CAMTA1: variants seen among roughly 807,000 people sequenced by gnomAD.
CAMTA1 encodes calmodulin-binding transcription activator 1.
In CAMTA1, 27 loss-of-function variants were observed where a neutral mutation model predicts 170.9. The observed-to-expected ratio is 0.16, with a 90% CI of 0.12 to 0.22. The LOEUF is 0.22. Among genes scored for constraint, CAMTA1 ranks in the 10% least tolerant of loss-of-function variants. The pLI, the probability that CAMTA1 is intolerant of heterozygous loss-of-function variation, is 1.00. For missense variants in CAMTA1, 1,619 were observed against 2,217.2 expected (o/e 0.73, Z 5.42); for synonymous variants, 833 against 891.5 (o/e 0.93, Z 1.17).
intron 6 of CAMTA1, among the ~76,000 whole-genome samples, chr1:7,520,434 G>A (rs1167067299): frequency 2.7e-5 from 4 of 150,390 alleles, no homozygotes; most frequent in Non-Finnish European, 3.0e-5. Context: ...GTCTTGGCAG[G>A]GAGGTGGGGC....
At chr1:7,302,501 A>G (rs1381475421) in intron 5 of CAMTA1, among the ~76,000 whole-genome samples, 1 of 152,244 alleles carries the variant, frequency 6.6e-6, no homozygotes, top group Non-Finnish European at 1.5e-5. Flanking sequence ...TCATTAACCA[A>G]CCACTAGTTG....
At chr1:7,029,350 A>G (rs1335328817) in intron 3 of CAMTA1, among the ~76,000 whole-genome samples, 1 of 151,956 alleles carries the variant, frequency 6.6e-6, no homozygotes, top group Non-Finnish European at 1.5e-5. Context: ...ATATACAAAA[A>G]AATTAGCTGG....
intron 1 of CAMTA1, among the ~76,000 whole-genome samples, chr1:6,790,431 T>C (rs1468637365): frequency 6.6e-6 from 1 of 151,604 alleles, no homozygotes; most frequent in Non-Finnish European, 1.5e-5. Flanking sequence ...AAGTCAGCCT[T>C]CTTAATCTGA....
At chr1:7,486,601 G>A (rs80042390) in intron 6 of CAMTA1, among the ~76,000 whole-genome samples, 1,682 of 152,322 alleles carry the variant, frequency 0.011, 37 homozygotes, top group African/African-American at 0.039. Flanking sequence ...CTGACTTCCA[G>A]GGTGGTCTCT....
chr1:7,185,302 A>T (rs1240481411), intron 4 of CAMTA1, among the ~76,000 whole-genome samples: 1 of 152,170 alleles, frequency 6.6e-6, no homozygotes, highest in East Asian at 1.9e-4. Context: ...CTTCTCCACT[A>T]AAAGGTAGCA....
chr1:6,801,572 G>A (rs1396097054), intron 1 of CAMTA1, among the ~76,000 whole-genome samples: 1 of 152,074 alleles, frequency 6.6e-6, no homozygotes, highest in African/African-American at 2.4e-5. Flanking sequence ...ATAAGCTATG[G>A]CTAATGGTGA....
In CAMTA1 at chr1:7,736,566, G is replaced by T; in HGVS notation, c.3263+26G>T. 6.2e-7 allele frequency: 1 copy of T among 1,607,392 alleles called. No homozygotes were observed. Among genetic ancestry groups the T allele is most frequent in the Non-Finnish European group, 8.5e-7 (1 of 1,174,156 alleles). On this transcript the variant is annotated intron_variant, in intron 13 of 22. Transcript: ENST00000303635. This position sits in a 1 kb window ranked among gnomAD's most constrained non-coding sequence, Gnocchi z 4.5. ...GTAAGGCTGTGGTGCAGCTGGCTGG[G>T]GGTCAGCCTCGCACATCCTCGCTCA...
At chr1:6,856,877 G>A (rs1662612641) in intron 3 of CAMTA1, among the ~76,000 whole-genome samples, 1 of 152,112 alleles carries the variant, frequency 6.6e-6, no homozygotes, top group African/African-American at 2.4e-5. Flanking sequence ...CAGACTTCAT[G>A]ATGGGAAGAG....
At chr1:7,379,760 A>T (rs1051641998) in intron 5 of CAMTA1, among the ~76,000 whole-genome samples, 5 of 152,102 alleles carry the variant, frequency 3.3e-5, no homozygotes, top group African/African-American at 9.7e-5. Context: ...TGTTTCTGAC[A>T]CCTCGCTTTG....
At chr1:6,966,332 G>A (rs538712618) in intron 3 of CAMTA1, among the ~76,000 whole-genome samples, 17 of 152,058 alleles carry the variant, frequency 1.1e-4, no homozygotes, top group Middle Eastern at 3.4e-3. Context: ...CTTCTTAGCC[G>A]TCACCCCAAC....
Position 7,045,000 on chromosome 1 carries a change from C to T in CAMTA1, c.235-46304C>T, listed in dbSNP as rs1042547815. ...CATAAACCCAGTGAATAAATCTCTTCAATTGTTGAGACTCCTGTAAGAGAG... is the reference window on the plus strand; with the variant it reads ...CATAAACCCAGTGAATAAATCTCTTTAATTGTTGAGACTCCTGTAAGAGAG... On this transcript the variant is annotated intron_variant, in intron 3 of 22. Coordinates refer to ENST00000303635, the MANE Select transcript of CAMTA1 (RefSeq NM_015215.4). This position sits in a 1 kb window ranked among gnomAD's most constrained non-coding sequence, Gnocchi z 5.0. Among the ~76,000 whole-genome samples the T allele has an allele frequency of 6.6e-6, 1 of 152,074 alleles. No homozygotes were observed. The highest frequency in any genetic ancestry group is 1.5e-5 in the Non-Finnish European group (1 of 68,022).
At chr1:7,297,963 CT>C (rs1308032460) in intron 5 of CAMTA1, among the ~76,000 whole-genome samples, 2 of 152,234 alleles carry the variant, frequency 1.3e-5, no homozygotes, top group Non-Finnish European at 2.9e-5. Context: ...TTTACCATTC[CT>C]TCCCATTCCC....
rs199549634 is a variant in CAMTA1, at chr1:7,680,813, G to T, written c.2914+3080G>T. Among the ~76,000 whole-genome samples, 13 of 147,394 alleles carry T rather than the reference G, an allele frequency of 8.8e-5. No homozygotes were observed. Among genetic ancestry groups the T allele is most frequent in the African/African-American group, 2.0e-4 (8 of 40,064 alleles). On this transcript the variant is annotated intron_variant, in intron 11 of 22. Transcript: ENST00000303635. This position sits in a 1 kb window ranked among gnomAD's most constrained non-coding sequence, Gnocchi z 4.4. Reference sequence around the variant, plus strand: ...TTTGTTTGCTTGGCTAAAGGCCGGGGGGGGGCGTGGGTCCGGGGCGCAGAG... The same window carrying T: ...TTTGTTTGCTTGGCTAAAGGCCGGGTGGGGGCGTGGGTCCGGGGCGCAGAG...
intron 3 of CAMTA1, among the ~76,000 whole-genome samples, chr1:7,053,183 C>T (rs957779647): frequency 3.9e-5 from 6 of 152,202 alleles, no homozygotes; most frequent in African/African-American, 9.6e-5. Flanking sequence ...AAGTGTTTGC[C>T]GCCGCAGCGT....
Position 7,064,218 on chromosome 1 carries a change from C to T in CAMTA1, c.235-27086C>T, listed in dbSNP as rs1234404690. Reference sequence around the variant, plus strand: ...CTTCTTTCTCCCCTTTCCTCCTGCTCCTCCTCCTGCTCCTTCCTCTTGTTC... The same window carrying T: ...CTTCTTTCTCCCCTTTCCTCCTGCTTCTCCTCCTGCTCCTTCCTCTTGTTC... On this transcript the variant is annotated intron_variant, in intron 3 of 22. Coordinates refer to ENST00000303635, the MANE Select transcript of CAMTA1 (RefSeq NM_015215.4). The surrounding 1 kb of genome is among the most constrained non-coding windows in gnomAD (Gnocchi z 5.4). 1.3e-5 allele frequency among the ~76,000 whole-genome samples: 2 copies of T among 151,886 alleles called. No individual in the cohort carries two copies. The highest frequency in any genetic ancestry group is 2.4e-5 in the African/African-American group (1 of 41,310).
At chr1:7,648,391 CAAAA>C (rs553719319) in intron 7 of CAMTA1, among the ~76,000 whole-genome samples, 1 of 112,768 alleles carries the variant, frequency 8.9e-6, no homozygotes, top group Non-Finnish European at 1.9e-5. Context: ...GACTCCACCT[CAAAA>C]AAAAAAAAAA....
intron 7 of CAMTA1, among the ~76,000 whole-genome samples, chr1:7,653,213 C>T (rs891735234): frequency 3.3e-5 from 5 of 152,146 alleles, no homozygotes; most frequent in Non-Finnish European, 5.9e-5. Context: ...TGGCCCCGTG[C>T]CCTGCCCACA....
intron 3 of CAMTA1, among the ~76,000 whole-genome samples, chr1:6,842,468 A>G (rs900667439): frequency 2.0e-5 from 3 of 152,216 alleles, no homozygotes; most frequent in African/African-American, 7.2e-5. Flanking sequence ...CCACAAACTA[A>G]TTCAACTGGA....
intron 3 of CAMTA1, among the ~76,000 whole-genome samples, chr1:6,911,564 G>C (rs1434835215): frequency 6.6e-6 from 1 of 152,158 alleles, no homozygotes; most frequent in African/African-American, 2.4e-5. Flanking sequence ...AGCCATCTCT[G>C]TAAATGATCT....
Sources: allele counts gnomAD v4.1 joint callset (sites outside exome capture counted in the v4.1 genomes callset), GRCh38; gene constraint gnomAD v4.1.1; non-coding constraint Gnocchi (gnomAD v3.1); transcripts MANE v1.5; gene names NCBI Gene and HGNC (gene_info 2026-07-23, HGNC 2026-07-21).